Variants in STAG1 observed in about 807,000 individuals in gnomAD.
STAG1 encodes STAG1 cohesin complex component.
Under a neutral mutation model 170.9 loss-of-function variants are expected in STAG1, and 26 were observed. That is an observed-to-expected ratio of 0.15 (90% CI 0.11 to 0.21). The LOEUF is 0.21. Ranked by LOEUF, STAG1 falls within the 10% of genes least tolerant of loss-of-function variation. The probability of loss-of-function intolerance (pLI) is 1.00; values close to 1 mark genes in which losing one functional copy is unlikely to be tolerated. For synonymous variants in STAG1, 514 were observed against 497.7 expected (o/e 1.03, Z -0.44); for missense variants, 964 against 1,509.5 (o/e 0.64, Z 5.99).
At chr3:136,442,692 T>TC (rs1228492705) in intron 15 of STAG1, among the ~76,000 whole-genome samples, 91 of 128,116 alleles carry the variant, frequency 7.1e-4, no homozygotes, top group African/African-American at 2.9e-3. Flanking sequence ...CTGGATGTAC[T>TC]TAAAAAAAAA....
intron 5 of STAG1, among the ~76,000 whole-genome samples, chr3:136,567,060 G>A (rs1937102145): frequency 6.6e-6 from 1 of 152,168 alleles, no homozygotes; most frequent in Non-Finnish European, 1.5e-5. Context: ...CTAGTTAAGA[G>A]CAGTTAACTA....
At chr3:136,396,520 C>CTTTTTTTTTTTTTTTTTT (rs146270857) in intron 22 of STAG1, among the ~76,000 whole-genome samples, 2 of 43,658 alleles carry the variant, frequency 4.6e-5, no homozygotes, top group Non-Finnish European at 7.4e-5. Context: ...CGCGCCTGGC[C>CTTTTTTTTTTTTTTTTTT]TTTTTTTTTT....
intron 13 of STAG1, 68 bp from the exon 14 acceptor site, chr3:136,452,215 AATC>A: frequency 1.0e-6 from 1 of 953,800 alleles, no homozygotes; most frequent in South Asian, 1.3e-5. Context: ...TCAACACACA[AATC>A]ATTTCAGTGT....
At chr3:136,443,673 C>T (rs1422686450) in intron 14 of STAG1, among the ~76,000 whole-genome samples, 1 of 152,120 alleles carries the variant, frequency 6.6e-6, no homozygotes, top group Non-Finnish European at 1.5e-5. Flanking sequence ...CAGAGCATAG[C>T]TAGTTAGAAA....
rs750159491 is a variant in STAG1, at chr3:136,398,735, A to T, written c.2277+14T>A. ...TCAGTAATAACCCTTCTGCCTACAG[A>T]AACTCTTACTTACTTTGGAAGGAGA... is the stretch of plus-strand genomic sequence containing the variant. On this transcript the variant is annotated intron_variant, in intron 22 of 33. Coordinates refer to ENST00000383202, the MANE Select transcript of STAG1 (RefSeq NM_005862.3). The T allele has an allele frequency of 1.3e-6, 2 of 1,568,782 alleles. No individual in the cohort carries two copies. The highest frequency in any genetic ancestry group is 4.6e-5 in the East Asian group (2 of 43,276).
At chr3:136,522,047 A>C (rs1489319932) in intron 6 of STAG1, among the ~76,000 whole-genome samples, 1 of 152,162 alleles carries the variant, frequency 6.6e-6, no homozygotes, top group Admixed American at 6.5e-5. Flanking sequence ...TAAAACACAA[A>C]ACGTAGAGTA....
intron 4 of STAG1, among the ~76,000 whole-genome samples, chr3:136,579,277 C>T (rs1937542392): frequency 6.6e-6 from 1 of 152,262 alleles, no homozygotes. Flanking sequence ...CCTTCGTACT[C>T]AACTAAGTAT....
chr3:136,361,633 T>C (rs549412107), intron 26 of STAG1, among the ~76,000 whole-genome samples: 28 of 152,212 alleles, frequency 1.8e-4, no homozygotes, highest in Admixed American at 7.2e-4. Context: ...TTATTAGAAA[T>C]GGGGTCTCAC....
At chr3:136,376,601 T>G (rs1937617636) in intron 23 of STAG1, among the ~76,000 whole-genome samples, 1 of 152,184 alleles carries the variant, frequency 6.6e-6, no homozygotes, top group Non-Finnish European at 1.5e-5. Flanking sequence ...TACATATTAC[T>G]AGGCCCCTGG....
intron 12 of STAG1, among the ~76,000 whole-genome samples, chr3:136,466,735 G>A (rs936534252): frequency 4.6e-5 from 7 of 152,164 alleles, no homozygotes; most frequent in African/African-American, 1.4e-4. Flanking sequence ...AGGAAAAAAT[G>A]TTAAGGGCAG....
chr3:136,623,261 A>G lies in STAG1; in HGVS notation c.30-13T>C, dbSNP rs377358732. On this transcript the variant is annotated splice_polypyrimidine_tract_variant and intron_variant, in intron 2 of 33. Transcript: ENST00000383202. ...ATTAGTTGAATCCCTAGAAAATGTT[A>G]TATTATTTTAGCGAACAAATTAATA... 1.9e-6 allele frequency: 3 copies of G among 1,608,266 alleles called. No individual in the cohort carries two copies.
rs533490489 is a variant in STAG1 at position 136,586,547 on chromosome 3, A to G, written c.298-17686T>C. ...CTTTAGGTGTAACTGAACAGAGGCT[A>G]AGAAAATTCCTATTTAAAGTTTCTA... On this transcript the variant is annotated intron_variant, in intron 4 of 33. Transcript: ENST00000383202. Among the ~76,000 whole-genome samples the G allele has an allele frequency of 5.5e-4, 84 of 152,356 alleles. 1 individual carries two copies. The highest frequency in any genetic ancestry group is 1.4e-3 in the African/African-American group (60 of 41,596).
At chr3:136,474,885 G>A (rs1268311204) in intron 10 of STAG1, among the ~76,000 whole-genome samples, 2 of 152,090 alleles carry the variant, frequency 1.3e-5, no homozygotes, top group African/African-American at 4.8e-5. Context: ...TAGACCCCTA[G>A]GAGGTTATGC....
At chr3:136,562,605 G>C (rs777229359) in intron 5 of STAG1, among the ~76,000 whole-genome samples, 1 of 144,668 alleles carries the variant, frequency 6.9e-6, no homozygotes, top group Non-Finnish European at 1.5e-5. Context: ...TTCTTTTTTT[G>C]AGACAGAGTT....
At chr3:136,748,203 C>G (rs1423995690) in intron 1 of STAG1, among the ~76,000 whole-genome samples, 1 of 151,706 alleles carries the variant, frequency 6.6e-6, no homozygotes, top group Non-Finnish European at 1.5e-5. Context: ...GTCAAGAGAC[C>G]AGCCTGGCCA....
chr3:136,626,036 G>A (rs1940076218), intron 2 of STAG1, among the ~76,000 whole-genome samples: 1 of 151,986 alleles, frequency 6.6e-6, no homozygotes, highest in Non-Finnish European at 1.5e-5. Context: ...CTGGGCGAAA[G>A]AGTAGAACTC....
chr3:136,671,113 C>T (rs1490847455), intron 1 of STAG1, among the ~76,000 whole-genome samples: 2 of 151,996 alleles, frequency 1.3e-5, no homozygotes, highest in African/African-American at 4.8e-5. Flanking sequence ...GGTGAAACCT[C>T]GTCTCTACTA....
intron 4 of STAG1, among the ~76,000 whole-genome samples, chr3:136,589,812 T>C (rs1938061958): frequency 6.7e-6 from 1 of 149,636 alleles, no homozygotes; most frequent in Non-Finnish European, 1.5e-5. Context: ...ACGTCAGTAA[T>C]CCCAGCTACT....
rs549293003 is a variant in STAG1 at position 136,340,659 on chromosome 3, C to T, written c.3558-54G>A. The T allele has an allele frequency of 1.1e-4, 132 of 1,168,466 alleles. No individual in the cohort carries two copies. In the African/African-American group the frequency reaches 1.6e-3, roughly 14 times the overall value. The allele number at this position is 1,168,466 out of a possible 1,614,324, so 72.4% of individuals were successfully genotyped here. On this transcript the variant is annotated intron_variant, in intron 31 of 33. Coordinates refer to ENST00000383202, the MANE Select transcript of STAG1 (RefSeq NM_005862.3). ...CTCATCAGACTCCACCATTTGGAGT[C>T]CTGGCTGTTTCTCAGATTAAAGTTA...
Sources: allele counts gnomAD v4.1 joint callset (sites outside exome capture counted in the v4.1 genomes callset), GRCh38; gene constraint gnomAD v4.1.1; transcripts MANE v1.5; gene names NCBI Gene and HGNC (gene_info 2026-07-23, HGNC 2026-07-21).